DYNC2H1: variants seen among roughly 807,000 people sequenced by gnomAD.
DYNC2H1 encodes cytoplasmic dynein 2 heavy chain 1.
Under a neutral mutation model 570.0 loss-of-function variants are expected in DYNC2H1, and 410 were observed. That is an observed-to-expected ratio of 0.72 (90% confidence interval 0.66 to 0.78). The LOEUF is 0.78. Among genes scored for constraint, DYNC2H1 ranks in the 30% least tolerant of loss-of-function variants. The probability of loss-of-function intolerance (pLI) is 0.00; values close to 1 mark genes in which losing one functional copy is unlikely to be tolerated. For synonymous variants in DYNC2H1, 1,688 were observed against 1,677.6 expected (o/e 1.01, Z -0.15); for missense variants, 4,865 against 5,046.4 (o/e 0.96, Z 1.09).
chr11:103,470,939 G>C (rs1320398821), intron 88 of DYNC2H1, among the ~76,000 whole-genome samples: 1 of 152,082 alleles, frequency 6.6e-6, no homozygotes, highest in East Asian at 1.9e-4. Flanking sequence ...CCAGTAATGG[G>C]ATGGCTGGGT....
At chr11:103,372,032 CTTTTTTTTTTTTTT>C (rs1156605664) in intron 83 of DYNC2H1, among the ~76,000 whole-genome samples, 36 of 38,060 alleles carry the variant, frequency 9.5e-4, no homozygotes, top group African/African-American at 3.6e-3. Flanking sequence ...TTGTCTTGTT[CTTTTTTTTTTTTTT>C]TTTTTTTTTT....
At chr11:103,432,466 C>T (rs564382932) in intron 84 of DYNC2H1, among the ~76,000 whole-genome samples, 1 of 152,256 alleles carries the variant, frequency 6.6e-6, no homozygotes, top group East Asian at 1.9e-4. Flanking sequence ...CTTTGCAAAA[C>T]TTCTTGAACC....
intron 66 of DYNC2H1, 23 bp from the exon 67 acceptor site, chr11:103,255,392 C>T: frequency 6.5e-7 from 1 of 1,542,650 alleles, no homozygotes; most frequent in South Asian, 1.2e-5. Context: ...GCTAGAATTA[C>T]CTTGTCTTTT....
intron 87 of DYNC2H1, among the ~76,000 whole-genome samples, chr11:103,456,687 G>A (rs781167786): frequency 6.6e-6 from 1 of 152,024 alleles, no homozygotes; most frequent in African/African-American, 2.4e-5. Flanking sequence ...CTACATACAG[G>A]TTGAGCATCC....
chr11:103,174,152 A>G lies in DYNC2H1; in HGVS notation c.5656A>G (p.Ser1886Gly). The G allele has an allele frequency of 6.3e-7, 1 of 1,578,460 alleles. No homozygotes were observed. Among genetic ancestry groups the G allele is most frequent in the Admixed American group, 1.8e-5 (1 of 55,228 alleles). The change falls in exon 36 of 89, where the codon AGT (serine) becomes GGT (glycine). Residue 1886 changes from serine (S) to glycine (G), a missense_variant. Ser to Gly is a moderately conservative substitution (Grantham distance 56). Transcript: ENST00000375735. Reference sequence around the variant, plus strand: ...AAATCTCCTTAGACAGCTAAACAAAAGTGGCACTACACAGAATGGTATGAT... The same window carrying G: ...AAATCTCCTTAGACAGCTAAACAAAGGTGGCACTACACAGAATGGTATGAT... Reference protein sequence around the residue: ...SGNLLRQLNKSGTTQNANESH... With the variant: ...SGNLLRQLNKGGTTQNANESH...
In DYNC2H1 at chr11:103,289,648, C is replaced by T. The variant is rs1331766431; in HGVS notation, c.11095+2043C>T. Reference sequence around the variant, plus strand: ...CGGTGGCATGTGCCTGTAGTTCCAGCTACTCAGGAGGCTGAAGTGGGAGGA... The same window carrying T: ...CGGTGGCATGTGCCTGTAGTTCCAGTTACTCAGGAGGCTGAAGTGGGAGGA... On this transcript the variant is annotated intron_variant, in intron 75 of 88. Coordinates refer to ENST00000375735, the MANE Select transcript of DYNC2H1 (RefSeq NM_001377.3). The surrounding 1 kb of genome is among the most constrained non-coding windows in gnomAD (Gnocchi z 4.2). Among the ~76,000 whole-genome samples, 3 of 152,022 alleles carry T rather than the reference C, an allele frequency of 2.0e-5. No homozygotes were observed. Among genetic ancestry groups the T allele is most frequent in the African/African-American group, 7.2e-5 (3 of 41,410 alleles).
At chr11:103,415,082 A>G (rs974742832) in intron 84 of DYNC2H1, among the ~76,000 whole-genome samples, 2 of 152,354 alleles carry the variant, frequency 1.3e-5, no homozygotes, top group East Asian at 3.9e-4. Flanking sequence ...TCCCTATTTA[A>G]TAAGTGGTGC....
At chr11:103,385,870 A>G (rs147152646) in intron 83 of DYNC2H1, among the ~76,000 whole-genome samples, 1,684 of 152,292 alleles carry the variant, frequency 0.011, 34 homozygotes, top group African/African-American at 0.038. Context: ...GTACCTAGCC[A>G]ATGGAAGATC....
intron 65 of DYNC2H1, among the ~76,000 whole-genome samples, chr11:103,246,137 CTT>C (rs1235909713): frequency 2.0e-5 from 3 of 152,012 alleles, no homozygotes; most frequent in Non-Finnish European, 4.4e-5. Flanking sequence ...ACATTATCCT[CTT>C]AATATATTTT....
intron 80 of DYNC2H1, 28 bp from the exon 81 acceptor site, chr11:103,321,001 A>G (rs756542815): frequency 6.5e-7 from 1 of 1,529,862 alleles, no homozygotes; most frequent in South Asian, 1.2e-5. Context: ...TAGAAATGAA[A>G]TTAATGAGTG....
intron 83 of DYNC2H1, among the ~76,000 whole-genome samples, chr11:103,398,836 A>T (rs11225767): frequency 0.035 from 5,358 of 152,220 alleles, 308 homozygotes; most frequent in African/African-American, 0.12. Flanking sequence ...AGGCCTTGTT[A>T]AAGCATATAT....
intron 44 of DYNC2H1, among the ~76,000 whole-genome samples, chr11:103,188,891 GT>G (rs1862185413): frequency 6.6e-6 from 1 of 151,974 alleles, no homozygotes; most frequent in African/African-American, 2.4e-5. Flanking sequence ...GTTTTGTGTA[GT>G]CTGTGTTCCA....
Position 103,399,804 on chromosome 11 carries a change from G to C in DYNC2H1, c.12298G>C (p.Val4100Leu). Residue 4100 changes from valine (V) to leucine (L), a missense_variant, in exon 84 of 89, where the codon GTC becomes CTC. By Grantham distance (32) the Val-to-Leu change is conservative. Transcript: ENST00000375735. Reference sequence around the variant, plus strand: ...CCAGTCTCTTGCTGCTCTCAGCAAAGTCATCAGAGGAACTACTTTACTGAG... The same window carrying C: ...CCAGTCTCTTGCTGCTCTCAGCAAACTCATCAGAGGAACTACTTTACTGAG... Reference protein sequence around the residue: ...VHQSLAALSKVIRGTTLLSSE... With the variant: ...VHQSLAALSKLIRGTTLLSSE... The C allele has an allele frequency of 6.2e-7, 1 of 1,613,946 alleles. No individual in the cohort carries two copies. Among genetic ancestry groups the C allele is most frequent in the East Asian group, 2.2e-5 (1 of 44,858 alleles).
chr11:103,277,386 T>C lies in DYNC2H1; in HGVS notation c.10696-2962T>C, dbSNP rs1306056126. Among the ~76,000 whole-genome samples, 1 of 152,138 alleles carries C rather than the reference T, an allele frequency of 6.6e-6. No homozygotes were observed. The highest frequency in any genetic ancestry group is 2.4e-5 in the African/African-American group (1 of 41,446). On this transcript the variant is annotated intron_variant, in intron 70 of 88. Coordinates refer to ENST00000375735, the MANE Select transcript of DYNC2H1 (RefSeq NM_001377.3). The surrounding 1 kb of genome is among the most constrained non-coding windows in gnomAD (Gnocchi z 4.3). The stretch of plus-strand genomic sequence containing the variant: ...AATTTTTCTTCATCTGGGTCTAATT[T>C]AAACAATTATAAAGTTCTCTCCCCC...
rs910496417 is a variant in DYNC2H1 at position 103,189,874 on chromosome 11, A to G, written c.7437+58A>G. Reference sequence around the variant, plus strand: ...CTATTAGTATCATTTCTAAAGGTCTACTTTTAATTCTGACCTCTGTGTTGA... The same window carrying G: ...CTATTAGTATCATTTCTAAAGGTCTGCTTTTAATTCTGACCTCTGTGTTGA... On this transcript the variant is annotated intron_variant, in intron 45 of 88. Transcript: ENST00000375735. This position sits in a 1 kb window ranked among gnomAD's most constrained non-coding sequence, Gnocchi z 4.3. 11 of 1,496,760 alleles carry G rather than the reference A, an allele frequency of 7.3e-6. No individual in the cohort carries two copies. The East Asian group carries it at 9.1e-5, about 12-fold the overall frequency. 92.7% of individuals were successfully genotyped at this position (1,496,760 alleles called of 1,614,324 possible).
At chr11:103,374,586 A>G (rs1941315181) in intron 83 of DYNC2H1, among the ~76,000 whole-genome samples, 1 of 152,172 alleles carries the variant, frequency 6.6e-6, no homozygotes, top group Non-Finnish European at 1.5e-5. Context: ...TTTGACCAAA[A>G]TGCTGATAGT....
intron 52 of DYNC2H1, among the ~76,000 whole-genome samples, chr11:103,206,374 G>A (rs945396187): frequency 7.2e-5 from 11 of 152,134 alleles, no homozygotes; most frequent in African/African-American, 2.7e-4. Flanking sequence ...TATAAGTTTG[G>A]GAAGGCATTT....
chr11:103,331,887 C>T (rs971617680), intron 82 of DYNC2H1, among the ~76,000 whole-genome samples: 1 of 151,944 alleles, frequency 6.6e-6, no homozygotes, highest in African/African-American at 2.4e-5. Flanking sequence ...CGGTGAAAGC[C>T]GGCTCTACTA....
chr11:103,164,016 A>G (rs1245285686), intron 30 of DYNC2H1, among the ~76,000 whole-genome samples: 1 of 152,242 alleles, frequency 6.6e-6, no homozygotes, highest in African/African-American at 2.4e-5. Context: ...AAATGTTTCA[A>G]AAAAGCTCAA....
Sources: gnomAD v4.1 joint callset for allele counts (sites outside exome capture counted in the v4.1 genomes callset) on GRCh38, gnomAD v4.1.1 for gene constraint, Gnocchi (gnomAD v3.1) non-coding constraint, MANE v1.5 for transcripts, NCBI Gene and HGNC (gene_info 2026-07-23, HGNC 2026-07-21) for gene names.